Variants in SPATA22 observed in about 807,000 individuals in gnomAD.
The protein encoded by SPATA22 is spermatogenesis associated 22, also known as spermatogenesis-associated protein 22.
Under a neutral mutation model 47.8 loss-of-function variants are expected in SPATA22, and 29 were observed. The ratio of observed to expected loss-of-function variants is 0.61; its 90% CI spans 0.45 to 0.83. The LOEUF (loss-of-function observed/expected upper bound fraction) is 0.83. SPATA22 is among the 40% of genes least tolerant of loss of function. The pLI is 0.00. For missense variants in SPATA22, 410 were observed against 421.7 expected (o/e 0.97, Z 0.24); for synonymous variants, 133 against 140.9 (o/e 0.94, Z 0.40).
At position 3,488,451 on chromosome 17, in the gene SPATA22, G is replaced by A. The variant is rs1252473472; in HGVS notation, c.-73-19053C>T. ...AAGGGCAGATTACCTGCGGTCAGGA[G>A]TTTGAGACCAGCCTGACCAACATGG... On this transcript the variant is annotated intron_variant, in intron 1 of 8. Transcript: ENST00000541913. The surrounding 1 kb of genome is among the most constrained non-coding windows in gnomAD (Gnocchi z 6.1). Among the ~76,000 whole-genome samples the A allele has an allele frequency of 1.3e-5, 2 of 152,274 alleles. No individual in the cohort carries two copies. Among genetic ancestry groups the A allele is most frequent in the Middle Eastern group, 3.4e-3 (1 of 294 alleles).
chr17:3,468,482 T>C (rs2073360727), intron 2 of SPATA22: 1 of 152,234 alleles, frequency 6.6e-6, no homozygotes, highest in African/African-American at 2.4e-5. Context: ...GGGAGAATTA[T>C]GTGGGCTCTG....
At chr17:3,499,263 C>T in intron 1 of SPATA22, 1 of 550,748 alleles carries the variant, frequency 1.8e-6, no homozygotes, top group Non-Finnish European at 3.1e-6. Context: ...TTAAAGATAT[C>T]ATATTTTATG....
At chr17:3,463,926 T>C in intron 3 of SPATA22, among the ~76,000 whole-genome samples, 1 of 87,504 alleles carries the variant, frequency 1.1e-5, no homozygotes, top group Non-Finnish European at 2.6e-5. Context: ...CCTCTCCCTC[T>C]CCCTCTCCCT....
chr17:3,487,073 C>CGTGTGTGTGTGTGTGT (rs59690349), intron 1 of SPATA22, among the ~76,000 whole-genome samples: 4 of 150,770 alleles, frequency 2.7e-5, no homozygotes, highest in African/African-American at 9.8e-5. Flanking sequence ...TGTGTGTGTG[C>CGTGTGTGTGTGTGTGT]GTGTGTGTGT....
At chr17:3,462,617 G>C in intron 4 of SPATA22, 39 bp from the exon 5 acceptor site, 2 of 1,592,440 alleles carry the variant, frequency 1.3e-6, no homozygotes, top group Middle Eastern at 1.7e-4. Flanking sequence ...TTAATAGTTT[G>C]CTTTCAAATT....
chr17:3,507,490 A>G (rs994418994), intron 1 of SPATA22, among the ~76,000 whole-genome samples: 1 of 152,224 alleles, frequency 6.6e-6, no homozygotes, highest in Non-Finnish European at 1.5e-5. Context: ...AGTGAGATAC[A>G]TTTTTTGAGT....
chr17:3,441,241 T>A (rs2072591212), intron 8 of SPATA22: 1 of 151,934 alleles, frequency 6.6e-6, no homozygotes, highest in African/African-American at 2.4e-5. Flanking sequence ...AAGCAAACCA[T>A]GGATATGAGA....
intron 1 of SPATA22, among the ~76,000 whole-genome samples, chr17:3,487,501 T>C (rs761534396): frequency 2.0e-5 from 3 of 152,204 alleles, no homozygotes; most frequent in Non-Finnish European, 2.9e-5. Context: ...ACAAATATCA[T>C]AGCCTAAGAT....
chr17:3,503,518 C>T (rs955883633), intron 1 of SPATA22: 1 of 146,600 alleles, frequency 6.8e-6, no homozygotes, highest in Non-Finnish European at 1.5e-5. Flanking sequence ...TTTTCTAGGT[C>T]AGCTTTTTCC....
chr17:3,460,814 A>AAAAAG (rs1555535972), intron 5 of SPATA22, among the ~76,000 whole-genome samples: 1 of 140,106 alleles, frequency 7.1e-6, no homozygotes, highest in East Asian at 2.2e-4. Flanking sequence ...AAAAAAAAAA[A>AAAAAG]GATTAAAAAT....
rs1555535972 is a variant in SPATA22, at chr17:3,460,814, A to AAAG, written c.329+1668_329+1669insCTT. Among the ~76,000 whole-genome samples the AAAG allele has an allele frequency of 1.1e-3, 161 of 140,076 alleles. 5 individuals carry two copies. Among genetic ancestry groups the AAAG allele is most frequent in the East Asian group, 8.8e-3 (40 of 4,566 alleles). The allele number at this position is 140,076 out of a possible 152,430, so 91.9% of individuals were successfully genotyped here. On this transcript the variant is annotated intron_variant, in intron 5 of 8. Coordinates refer to ENST00000572969, the MANE Select transcript of SPATA22 (RefSeq NM_001170698.2). Reference sequence around the variant, plus strand: ...TCTCAAAAAAAAAAAAAAAAAAAAAAGATTAAAAATGTTAAAAGTCCTCAT... The same window carrying AAAG: ...TCTCAAAAAAAAAAAAAAAAAAAAAAAAGGATTAAAAATGTTAAAAGTCCTCAT...
chr17:3,456,629 G>A (rs1411032884), intron 5 of SPATA22, among the ~76,000 whole-genome samples: 4 of 152,244 alleles, frequency 2.6e-5, no homozygotes, highest in Non-Finnish European at 4.4e-5. Context: ...ACAAGGAAGA[G>A]CTGGTACCAT....
intron 5 of SPATA22, among the ~76,000 whole-genome samples, chr17:3,455,839 AT>A (rs1430045456): frequency 1.3e-5 from 2 of 151,740 alleles, no homozygotes; most frequent in African/African-American, 2.4e-5. Flanking sequence ...GAAGAAAGTC[AT>A]TGGTAGCTTG....
chr17:3,464,901 G>GC (rs1402569083), intron 3 of SPATA22, among the ~76,000 whole-genome samples: 3 of 96,304 alleles, frequency 3.1e-5, no homozygotes, highest in South Asian at 2.9e-4. Flanking sequence ...GGGGGGGTCA[G>GC]CCCCCCACCC....
chr17:3,464,415 T>G, intron 3 of SPATA22, among the ~76,000 whole-genome samples: 1 of 144,962 alleles, frequency 6.9e-6, no homozygotes, highest in Non-Finnish European at 1.6e-5. Context: ...GTCTGGGAAG[T>G]GAGGAGCGTC....
intron 3 of SPATA22, among the ~76,000 whole-genome samples, chr17:3,465,651 G>A (rs941925038): frequency 6.0e-4 from 90 of 150,874 alleles, no homozygotes; most frequent in Non-Finnish European, 1.3e-4. Context: ...GCGGAAGGCC[G>A]CAGGGTCCTC....
intron 5 of SPATA22, among the ~76,000 whole-genome samples, chr17:3,451,777 T>C (rs1247879468): frequency 6.6e-6 from 1 of 151,800 alleles, no homozygotes; most frequent in Non-Finnish European, 1.5e-5. Context: ...TGAAACCCCG[T>C]CTCTACTAAA....
At position 3,448,141 on chromosome 17, in the gene SPATA22, C is replaced by T. The variant is rs373842211; in HGVS notation, c.672+666G>A. Reference sequence around the variant, plus strand: ...GTATGCTATGTTTAGAGAATTGTGACGAGTCTGAAGTGGCTAGAGCATTGG... The same window carrying T: ...GTATGCTATGTTTAGAGAATTGTGATGAGTCTGAAGTGGCTAGAGCATTGG... On this transcript the variant is annotated intron_variant, in intron 6 of 8. Coordinates refer to ENST00000572969, the MANE Select transcript of SPATA22 (RefSeq NM_001170698.2). Among the ~76,000 whole-genome samples, 32 of 152,264 alleles carry T rather than the reference C, an allele frequency of 2.1e-4. 1 individual carries two copies. The highest frequency in any genetic ancestry group is 8.3e-4 in the South Asian group (4 of 4,824).
intron 1 of SPATA22, chr17:3,481,830 C>G (rs1331503981): frequency 7.2e-6 from 11 of 1,530,374 alleles, no homozygotes; most frequent in Non-Finnish European, 9.8e-6. Flanking sequence ...TATAAGTTAG[C>G]AAAGGACTTG....
Sources: allele counts gnomAD v4.1 joint callset (sites outside exome capture counted in the v4.1 genomes callset), GRCh38; gene constraint gnomAD v4.1.1; non-coding constraint Gnocchi (gnomAD v3.1); transcripts MANE v1.5; gene names NCBI Gene and HGNC (gene_info 2026-07-23, HGNC 2026-07-21).